Variants in SRBD1 observed in about 807,000 individuals in gnomAD.
SRBD1 encodes S1 RNA-binding domain-containing protein 1.
A neutral mutation model predicts 115.3 loss-of-function variants in SRBD1; 88 were observed. That is an observed-to-expected ratio of 0.76 (90% CI 0.64 to 0.91). The LOEUF is 0.91. SRBD1 is among the 40% of genes least tolerant of loss of function. The pLI is 0.00. For missense variants in SRBD1, 1,385 were observed against 1,177.4 expected (o/e 1.18, Z -2.58); for synonymous variants, 509 against 407.7 (o/e 1.25, Z -2.99).
chr2:45,477,408 T>G (rs776283780), intron 15 of SRBD1, among the ~76,000 whole-genome samples: 1 of 152,218 alleles, frequency 6.6e-6, no homozygotes, highest in Non-Finnish European at 1.5e-5. Flanking sequence ...TAAAGCATAA[T>G]AGGATACCTC....
intron 19 of SRBD1, among the ~76,000 whole-genome samples, chr2:45,404,023 AG>A (rs1299963301): frequency 3.3e-5 from 5 of 152,140 alleles, no homozygotes; most frequent in African/African-American, 1.2e-4. Flanking sequence ...CTCCCAAAGT[AG>A]GAAGGATATA....
At chr2:45,607,684 G>A (rs190311346) in intron 1 of SRBD1, among the ~76,000 whole-genome samples, 22 of 152,178 alleles carry the variant, frequency 1.4e-4, no homozygotes, top group Admixed American at 9.8e-4. Flanking sequence ...AAGGTGAAAC[G>A]GGTTAGGGCT....
chr2:45,586,236 T>C (rs1390616275), intron 4 of SRBD1, among the ~76,000 whole-genome samples: 1 of 152,204 alleles, frequency 6.6e-6, no homozygotes, highest in African/African-American at 2.4e-5. Flanking sequence ...TATCATAACA[T>C]ATACATGCCT....
intron 9 of SRBD1, among the ~76,000 whole-genome samples, chr2:45,571,671 C>T (rs941794481): frequency 6.6e-6 from 1 of 151,614 alleles, no homozygotes; most frequent in Non-Finnish European, 1.5e-5. Flanking sequence ...ATCTTTCAAC[C>T]ATATAGAAAA....
At chr2:45,493,354 A>G (rs966936176) in intron 14 of SRBD1, among the ~76,000 whole-genome samples, 2 of 152,226 alleles carry the variant, frequency 1.3e-5, no homozygotes, top group African/African-American at 4.8e-5. Context: ...ATAGGAGACA[A>G]GGCCAAAAAC....
At chr2:45,449,126 TCTTTA>T (rs1311158818) in intron 16 of SRBD1, among the ~76,000 whole-genome samples, 1 of 152,244 alleles carries the variant, frequency 6.6e-6, no homozygotes, top group African/African-American at 2.4e-5. Flanking sequence ...TTGAACATTT[TCTTTA>T]CTTTTCCAGT....
intron 8 of SRBD1, 28 bp from the exon 9 acceptor site, chr2:45,573,370 A>G (rs898696866): frequency 1.5e-5 from 24 of 1,584,812 alleles, no homozygotes; most frequent in African/African-American, 4.1e-5. Flanking sequence ...TGTTCAAAAA[A>G]CAAGCAGTTA....
At chr2:45,606,154 A>G (rs1187471787) in intron 1 of SRBD1, among the ~76,000 whole-genome samples, 4 of 111,924 alleles carry the variant, frequency 3.6e-5, no homozygotes, top group Admixed American at 2.0e-4. Flanking sequence ...TTTTTTTCCT[A>G]TTCTTTTTTT....
intron 19 of SRBD1, among the ~76,000 whole-genome samples, chr2:45,408,420 T>C (rs1667499647): frequency 6.6e-6 from 1 of 152,220 alleles, no homozygotes; most frequent in African/African-American, 2.4e-5. Flanking sequence ...GGTCAGGAGT[T>C]GGACTGCAAC....
At chr2:45,512,791 T>C (rs375292433) in intron 14 of SRBD1, among the ~76,000 whole-genome samples, 19 of 152,174 alleles carry the variant, frequency 1.2e-4, no homozygotes, top group African/African-American at 3.9e-4. Context: ...TAACTTATGA[T>C]TGTATGTTTG....
At chr2:45,506,750 T>C (rs1295124236) in intron 14 of SRBD1, among the ~76,000 whole-genome samples, 1 of 152,226 alleles carries the variant, frequency 6.6e-6, no homozygotes, top group East Asian at 1.9e-4. Context: ...CATAGTCATT[T>C]GAAGACCAAG....
At chr2:45,531,714 A>C (rs750257185) in intron 14 of SRBD1, among the ~76,000 whole-genome samples, 3 of 151,848 alleles carry the variant, frequency 2.0e-5, no homozygotes, top group Non-Finnish European at 4.4e-5. Flanking sequence ...CCATATATTA[A>C]GCCTAGAACA....
intron 14 of SRBD1, among the ~76,000 whole-genome samples, chr2:45,492,219 C>T (rs375306783): frequency 1.1e-4 from 17 of 152,134 alleles, no homozygotes; most frequent in South Asian, 2.1e-4. Context: ...AAAAGATATA[C>T]GTTTAAATAA....
intron 14 of SRBD1, among the ~76,000 whole-genome samples, chr2:45,493,384 G>T (rs1055484742): frequency 2.0e-5 from 3 of 152,156 alleles, no homozygotes; most frequent in African/African-American, 7.2e-5. Context: ...ACGAACAGTG[G>T]GGGCTCTGAG....
chr2:45,590,553 G>T (rs1256203639), intron 4 of SRBD1, among the ~76,000 whole-genome samples: 1 of 152,182 alleles, frequency 6.6e-6, no homozygotes, highest in Non-Finnish European at 1.5e-5. Context: ...TGCTGTTCTT[G>T]TGATAATGAG....
intron 13 of SRBD1, 81 bp downstream of exon 13, chr2:45,547,437 ATCCC>A: frequency 8.3e-7 from 1 of 1,204,130 alleles, no homozygotes; most frequent in Non-Finnish European, 1.2e-6. Context: ...ACCTCCCTTA[ATCCC>A]TCCCTCCAAA....
intron 14 of SRBD1, among the ~76,000 whole-genome samples, chr2:45,505,945 G>C (rs1670784134): frequency 6.6e-6 from 1 of 152,104 alleles, no homozygotes; most frequent in African/African-American, 2.4e-5. Context: ...AGCTTTGGAG[G>C]CTTTTAAAAG....
chr2:45,480,078 G>C (rs925216871), intron 15 of SRBD1, among the ~76,000 whole-genome samples: 1 of 152,110 alleles, frequency 6.6e-6, no homozygotes, highest in African/African-American at 2.4e-5. Context: ...GAGACCTACT[G>C]CTCAGAAAAA....
intron 5 of SRBD1, among the ~76,000 whole-genome samples, chr2:45,583,281 T>C (rs1414451420): frequency 6.6e-6 from 1 of 151,900 alleles, no homozygotes; most frequent in African/African-American, 2.4e-5. Flanking sequence ...AAGAAGAATA[T>C]GCAGTACTTA....
Sources: allele counts gnomAD v4.1 joint callset (sites outside exome capture counted in the v4.1 genomes callset), GRCh38; gene constraint gnomAD v4.1.1; transcripts MANE v1.5; gene names NCBI Gene and HGNC (gene_info 2026-07-23, HGNC 2026-07-21).